The following SLC12A2 variants were observed in gnomAD, a reference collection of about 807,000 sequenced individuals.
SLC12A2 encodes solute carrier family 12 member 2.
Under a neutral mutation model 136.3 loss-of-function variants are expected in SLC12A2, and 67 were observed. The observed-to-expected ratio is 0.49, with a 90% CI of 0.40 to 0.60. SLC12A2 has a LOEUF of 0.60. Ranked by LOEUF, SLC12A2 falls within the 20% of genes least tolerant of loss-of-function variation. SLC12A2 has a pLI of 0.00. For missense variants in SLC12A2, 1,322 were observed against 1,534.7 expected, an observed-to-expected ratio of 0.86 and a Z score of 2.32; for synonymous variants, 619 against 562.9, an observed-to-expected ratio of 1.10 and a Z score of -1.41.
At chr5:128,113,042 C>T (rs1761213714) in intron 2 of SLC12A2, 109 bp downstream of exon 2, 4 of 944,776 alleles carry the variant, frequency 4.2e-6, no homozygotes, top group Admixed American at 3.0e-5. Flanking sequence ...TCTATGTTAA[C>T]TGTCTTATCT....
At chr5:128,100,280 G>A (rs1030978466) in intron 1 of SLC12A2, among the ~76,000 whole-genome samples, 4 of 152,048 alleles carry the variant, frequency 2.6e-5, no homozygotes, top group African/African-American at 7.2e-5. Flanking sequence ...ATAGTTTGTG[G>A]GACATCTAGG....
chr5:128,149,658 A>G (rs565857583), intron 12 of SLC12A2, among the ~76,000 whole-genome samples: 22 of 152,000 alleles, frequency 1.4e-4, no homozygotes, highest in African/African-American at 4.6e-4. Flanking sequence ...AATGATACAT[A>G]TGGTATGCTA....
In SLC12A2 at chr5:128,188,238, T is replaced by G. The variant is rs1402364066; in HGVS notation, c.*1607T>G. On this transcript the variant is annotated 3_prime_UTR_variant, in exon 27 of 27. Coordinates refer to ENST00000262461, the MANE Select transcript of SLC12A2 (RefSeq NM_001046.3). The stretch of plus-strand genomic sequence containing the variant: ...TCGCCTAAAATACTGTTAAGTGGGT[T>G]AATTGATACAAGTTTCTGTGGTGGA... The G allele has an allele frequency of 6.6e-6, 1 of 151,944 alleles. No homozygotes were observed. Among genetic ancestry groups the G allele is most frequent in the Non-Finnish European group, 1.5e-5 (1 of 67,986 alleles). 9.4% of individuals were successfully genotyped at this position (151,944 alleles called of 1,614,324 possible).
chr5:128,084,501 A>T lies in SLC12A2; in HGVS notation c.547A>T (p.Ser183Cys). Reference sequence around the variant, plus strand: ...CGGGGACACGGTGCTGAGCGAGGGCAGCAGCCTGCACTCCGGCGGCGGCGG... The same window carrying T: ...CGGGGACACGGTGCTGAGCGAGGGCTGCAGCCTGCACTCCGGCGGCGGCGG... Reference protein sequence around the residue: ...NGGDTVLSEGSSLHSGGGGGS... With the variant: ...NGGDTVLSEGCSLHSGGGGGS... Residue 183 changes from serine to cysteine, a missense_variant, in exon 1 of 27, where the codon AGC (serine) becomes TGC (cysteine). Transcript: ENST00000262461. This position sits in a 1 kb window ranked among gnomAD's most constrained non-coding sequence, Gnocchi z 5.6. 3 of 1,611,438 alleles carry T rather than the reference A, an allele frequency of 1.9e-6. No individual in the cohort carries two copies. The highest frequency in any genetic ancestry group is 2.5e-6 in the Non-Finnish European group (3 of 1,179,404).
At position 128,189,668 on chromosome 5, in the gene SLC12A2, AT is replaced by A. The variant is rs1455676981; in HGVS notation, c.*3039del. ...TTACTGCAATAAAGGAAGTGGATTC[AT>A]TAAACCTATTTAATGTCCATTCTTA... On this transcript the variant is annotated 3_prime_UTR_variant, in exon 27 of 27. Transcript: ENST00000262461. 3 of 152,774 alleles carry A rather than the reference AT, an allele frequency of 2.0e-5. No homozygotes were observed. The East Asian group carries it at 5.8e-4, about 29-fold the overall frequency. 9.5% of individuals were successfully genotyped at this position (152,774 alleles called of 1,614,324 possible). A position where few individuals can be genotyped will look rare whatever the true frequency, so the allele number is the denominator to read the frequency against.
chr5:128,160,253 CG>C lies in SLC12A2; in HGVS notation c.2476-1403del, dbSNP rs761684121. Among the ~76,000 whole-genome samples the C allele has an allele frequency of 2.7e-5, 4 of 150,832 alleles. No individual in the cohort carries two copies. In the South Asian group the frequency reaches 6.3e-4, roughly 24 times the overall value. ...GGGCCTGTTGGGAGGTGGGGGGGCT[CG>C]GGGAGGGATAGCATTAGGTGAAATA... On this transcript the variant is annotated intron_variant, in intron 16 of 26. Coordinates refer to ENST00000262461, the MANE Select transcript of SLC12A2 (RefSeq NM_001046.3).
Position 128,084,820 on chromosome 5 carries a change from G to T in SLC12A2, c.756+110G>T, listed in dbSNP as rs1760025139. 2.5e-6 allele frequency: 3 copies of T among 1,202,006 alleles called. No individual in the cohort carries two copies. Among genetic ancestry groups the T allele is most frequent in the Admixed American group, 5.7e-5 (2 of 35,188 alleles). 74.5% of individuals were successfully genotyped at this position (1,202,006 alleles called of 1,614,324 possible). A position where few individuals can be genotyped will look rare whatever the true frequency, so the allele number is the denominator to read the frequency against. ...GGTGGCGGGAGTAGTAGACGTGCAC[G>T]ACTTGCTGGCATCTCTGGATTCAGC... On this transcript the variant is annotated intron_variant, in intron 1 of 26. Coordinates refer to ENST00000262461, the MANE Select transcript of SLC12A2 (RefSeq NM_001046.3). This position sits in a 1 kb window ranked among gnomAD's most constrained non-coding sequence, Gnocchi z 5.6.
chr5:128,115,724 A>G (rs1761321891), intron 4 of SLC12A2, among the ~76,000 whole-genome samples: 1 of 152,234 alleles, frequency 6.6e-6, no homozygotes, highest in Non-Finnish European at 1.5e-5. Context: ...ATCTGCCTCA[A>G]CTGTTTTGAA....
At chr5:128,114,071 G>A in intron 2 of SLC12A2, 141 bp from the exon 3 acceptor site, 1 of 632,852 alleles carries the variant, frequency 1.6e-6, no homozygotes, top group Admixed American at 3.0e-5. Flanking sequence ...TTAAAGAAAA[G>A]GGTGGGGTAG....
At chr5:128,099,445 A>G (rs1260110577) in intron 1 of SLC12A2, among the ~76,000 whole-genome samples, 2 of 152,216 alleles carry the variant, frequency 1.3e-5, no homozygotes, top group African/African-American at 2.4e-5. Context: ...ATTACTGTAC[A>G]CTACTATAGA....
intron 1 of SLC12A2, among the ~76,000 whole-genome samples, chr5:128,097,028 CA>C (rs1355844418): frequency 2.0e-5 from 3 of 151,742 alleles, no homozygotes; most frequent in Admixed American, 6.6e-5. Context: ...AATCTCAATA[CA>C]AAAAAAGAGT....
intron 10 of SLC12A2, among the ~76,000 whole-genome samples, chr5:128,144,776 G>A (rs1164872133): frequency 6.6e-6 from 1 of 151,928 alleles, no homozygotes; most frequent in Admixed American, 6.6e-5. Context: ...ATTTTCCCAT[G>A]TCCAAATGTG....
chr5:128,112,627 A>G (rs1761194090), intron 1 of SLC12A2, among the ~76,000 whole-genome samples, 187 bp from the exon 2 acceptor site: 1 of 152,202 alleles, frequency 6.6e-6, no homozygotes, highest in Non-Finnish European at 1.5e-5. Context: ...AATTTCAGTA[A>G]TTAAGGTTTT....
intron 21 of SLC12A2, chr5:128,177,775 C>T (rs1371737176): frequency 6.6e-6 from 1 of 152,132 alleles, no homozygotes; most frequent in Non-Finnish European, 1.5e-5. Context: ...GTATGGATTT[C>T]TGCTTTTAAA....
chr5:128,138,836 G>C lies in SLC12A2; in HGVS notation c.1549G>C (p.Ala517Pro). The C allele has an allele frequency of 6.2e-7, 1 of 1,612,758 alleles. No individual in the cohort carries two copies. The highest frequency in any genetic ancestry group is 8.5e-7 in the Non-Finnish European group (1 of 1,179,270). Residue 517 changes from alanine to proline, a missense_variant, in exon 9 of 27, where the codon GCC becomes CCC. By Grantham distance (27) the Ala-to-Pro change is conservative. Transcript: ENST00000262461. ...ISGDLADPQS[A>P]IPKGTLLAIL... ...TCTTGTCTTCTAGGATCCTCAGTCA[G>C]CCATACCCAAAGGAACACTCCTAGC...
chr5:128,172,363 C>A, intron 19 of SLC12A2, among the ~76,000 whole-genome samples: 1 of 102,158 alleles, frequency 9.8e-6, no homozygotes, highest in South Asian at 3.0e-4. Flanking sequence ...AATCCACAGA[C>A]CTTTTTCAGA....
At position 128,091,804 on chromosome 5, in the gene SLC12A2, A is replaced by G. The variant is rs557478989; in HGVS notation, c.756+7094A>G. Among the ~76,000 whole-genome samples the G allele has an allele frequency of 1.2e-4, 19 of 152,278 alleles. No homozygotes were observed. In the South Asian group the frequency reaches 3.9e-3, roughly 32 times the overall value. On this transcript the variant is annotated intron_variant, in intron 1 of 26. Coordinates refer to ENST00000262461, the MANE Select transcript of SLC12A2 (RefSeq NM_001046.3). The stretch of plus-strand genomic sequence containing the variant: ...AGCAGAAGCTAATTATGGCTAGTAC[A>G]CTCATAGTATCATTGGACTCAGAAA...
Position 128,150,186 on chromosome 5 carries a change from G to A in SLC12A2, c.2107+88G>A, listed in dbSNP as rs181168881. On this transcript the variant is annotated intron_variant, in intron 13 of 26. Coordinates refer to ENST00000262461, the MANE Select transcript of SLC12A2 (RefSeq NM_001046.3). ...TTTGCCACATTTTCAAAGATGTTAT[G>A]TGTGGGGTTAGTTCATTAATGCCAA... 25 of 813,522 alleles carry A rather than the reference G, an allele frequency of 3.1e-5. No homozygotes were observed. In the East Asian group the frequency reaches 5.6e-4, roughly 18 times the overall value. 50.4% of individuals were successfully genotyped at this position (813,522 alleles called of 1,614,324 possible). A position where few individuals can be genotyped will look rare whatever the true frequency, so the allele number is the denominator to read the frequency against.
chr5:128,085,072 A>G lies in SLC12A2; in HGVS notation c.756+362A>G, dbSNP rs1760043574. 2.0e-5 allele frequency among the ~76,000 whole-genome samples: 3 copies of G among 151,510 alleles called. No individual in the cohort carries two copies. The South Asian group carries it at 6.3e-4, about 32-fold the overall frequency. On this transcript the variant is annotated intron_variant, in intron 1 of 26. Transcript: ENST00000262461. The stretch of plus-strand genomic sequence containing the variant: ...GAGAATGTGCAGTGAGGATCTCTCG[A>G]GAGAGGTTGGAGAGCACCTACCATC...
Sources: allele counts gnomAD v4.1 joint callset (sites outside exome capture counted in the v4.1 genomes callset), GRCh38; gene constraint gnomAD v4.1.1; non-coding constraint Gnocchi (gnomAD v3.1); transcripts MANE v1.5; gene names NCBI Gene and HGNC (gene_info 2026-07-23, HGNC 2026-07-21).